Variants in PARD3B observed in about 807,000 individuals in gnomAD.
PARD3B encodes partitioning defective 3 homolog B.
A neutral mutation model predicts 130.2 loss-of-function variants in PARD3B; 103 were observed. The observed-to-expected ratio is 0.79, with a 90% CI of 0.67 to 0.93. The LOEUF is 0.93. Among genes scored for constraint, PARD3B ranks in the 40% least tolerant of loss-of-function variants. PARD3B has a pLI of 0.00. For missense variants in PARD3B, 1,609 were observed against 1,499.2 expected (o/e 1.07, Z -1.21); for synonymous variants, 583 against 553.2 (o/e 1.05, Z -0.76).
chr2:205,505,977 GA>G (rs2050347279), intron 21 of PARD3B, among the ~76,000 whole-genome samples: 1 of 151,794 alleles, frequency 6.6e-6, no homozygotes, highest in African/African-American at 2.4e-5. Context: ...TTTATATATG[GA>G]AAAAAAAGTG....
intron 20 of PARD3B, among the ~76,000 whole-genome samples, chr2:205,482,404 A>G (rs2049271920): frequency 6.6e-6 from 1 of 152,110 alleles, no homozygotes; most frequent in South Asian, 2.1e-4. Flanking sequence ...CATCTGCCCA[A>G]AAGAAAGGGT....
intron 19 of PARD3B, among the ~76,000 whole-genome samples, chr2:205,438,515 G>A (rs1465539993): frequency 1.3e-5 from 2 of 152,190 alleles, no homozygotes; most frequent in African/African-American, 4.8e-5. Context: ...GATGTCCTTT[G>A]CTCTATTTGC....
At chr2:205,048,610 A>C (rs570153107) in intron 4 of PARD3B, 16 of 152,312 alleles carry the variant, frequency 1.1e-4, no homozygotes, top group South Asian at 6.2e-4. Context: ...AGAAAAAATA[A>C]ACACATCATT....
At chr2:205,315,008 A>G (rs1489867192) in intron 18 of PARD3B, among the ~76,000 whole-genome samples, 2 of 152,128 alleles carry the variant, frequency 1.3e-5, no homozygotes, top group Non-Finnish European at 2.9e-5. Context: ...CACCACTCTA[A>G]TTCAATTTGT....
intron 4 of PARD3B, chr2:205,103,662 C>G: frequency 2.1e-6 from 2 of 950,116 alleles, no homozygotes; most frequent in South Asian, 4.9e-5. Flanking sequence ...AGACAGGTAT[C>G]CACAGGATTC....
chr2:204,847,786 T>C (rs923941107), intron 2 of PARD3B, among the ~76,000 whole-genome samples: 2 of 152,082 alleles, frequency 1.3e-5, no homozygotes, highest in African/African-American at 4.8e-5. Flanking sequence ...TGCTAAAGAG[T>C]CATTGTCAAG....
chr2:205,314,595 G>A (rs891829976), intron 18 of PARD3B, among the ~76,000 whole-genome samples: 1 of 152,148 alleles, frequency 6.6e-6, no homozygotes, highest in African/African-American at 2.4e-5. Context: ...AGGTTTCCCA[G>A]AACAATTAAA....
intron 20 of PARD3B, among the ~76,000 whole-genome samples, chr2:205,487,368 C>G (rs1030394655): frequency 6.6e-6 from 1 of 152,076 alleles, no homozygotes; most frequent in Non-Finnish European, 1.5e-5. Context: ...AAGTAAGAAA[C>G]TGCTGTATTA....
At chr2:205,418,116 A>G (rs949462061) in intron 19 of PARD3B, among the ~76,000 whole-genome samples, 2 of 152,106 alleles carry the variant, frequency 1.3e-5, no homozygotes, top group Non-Finnish European at 2.9e-5. Flanking sequence ...AAAAATGTGT[A>G]TTTTGATGAA....
intron 2 of PARD3B, among the ~76,000 whole-genome samples, chr2:204,871,304 A>G (rs1040615906): frequency 6.6e-6 from 1 of 152,130 alleles, no homozygotes; most frequent in Non-Finnish European, 1.5e-5. Flanking sequence ...GATTTATTAT[A>G]GACTATAAAC....
chr2:205,555,088 T>C (rs188683951), intron 22 of PARD3B, among the ~76,000 whole-genome samples: 2 of 152,230 alleles, frequency 1.3e-5, no homozygotes, highest in South Asian at 2.1e-4. Flanking sequence ...TATATGGAAA[T>C]TGTGGTTAAG....
intron 1 of PARD3B, among the ~76,000 whole-genome samples, chr2:204,622,175 C>T (rs1574566194): frequency 6.6e-6 from 1 of 152,162 alleles, no homozygotes; most frequent in African/African-American, 2.4e-5. Flanking sequence ...TTGAGCATGC[C>T]TCTCATTGTG....
rs192723551 is a variant in PARD3B at position 204,942,624 on chromosome 2, A to T, written c.223-22528A>T. Reference sequence around the variant, plus strand: ...TTTTTTAAAGGTCATACAGGTATTTAAAAAAAAAAAAGACAAGTAGTTATA... The same window carrying T: ...TTTTTTAAAGGTCATACAGGTATTTTAAAAAAAAAAAGACAAGTAGTTATA... On this transcript the variant is annotated intron_variant, in intron 2 of 22. Transcript: ENST00000406610. Among the ~76,000 whole-genome samples the T allele has an allele frequency of 9.1e-3, 1,314 of 144,704 alleles. 22 individuals carry two copies. Among genetic ancestry groups the T allele is most frequent in the African/African-American group, 0.03 (1,212 of 39,774 alleles). 94.9% of individuals were successfully genotyped at this position (144,704 alleles called of 152,430 possible).
intron 21 of PARD3B, among the ~76,000 whole-genome samples, chr2:205,509,086 C>G (rs1418486069): frequency 6.6e-6 from 1 of 151,230 alleles, no homozygotes; most frequent in Non-Finnish European, 1.5e-5. Flanking sequence ...GAGTGAATTT[C>G]TAGCCTTTAA....
chr2:205,214,175 T>G (rs2037793203), intron 15 of PARD3B, among the ~76,000 whole-genome samples: 1 of 152,100 alleles, frequency 6.6e-6, no homozygotes, highest in Non-Finnish European at 1.5e-5. Flanking sequence ...CAGAACAGAG[T>G]AGAAGATAAT....
intron 2 of PARD3B, among the ~76,000 whole-genome samples, chr2:204,755,164 A>G (rs1022823781): frequency 7.2e-5 from 11 of 152,120 alleles, no homozygotes; most frequent in African/African-American, 9.7e-5. Context: ...TTAAATTGAC[A>G]TAAGTTGGTA....
At chr2:205,493,683 A>G (rs1575158129) in intron 20 of PARD3B, among the ~76,000 whole-genome samples, 1 of 151,864 alleles carries the variant, frequency 6.6e-6, no homozygotes, top group South Asian at 2.1e-4. Context: ...ATTCCTGTTA[A>G]AGTTACAGGC....
chr2:204,615,034 C>T (rs764711892), intron 1 of PARD3B, among the ~76,000 whole-genome samples: 2 of 152,120 alleles, frequency 1.3e-5, no homozygotes, highest in Non-Finnish European at 2.9e-5. Context: ...TGGTGTTTTA[C>T]ATTTTTGCAG....
intron 18 of PARD3B, among the ~76,000 whole-genome samples, chr2:205,390,226 G>A (rs2045805687): frequency 6.7e-6 from 1 of 149,682 alleles, no homozygotes; most frequent in Non-Finnish European, 1.5e-5. Context: ...TTACCCCCAG[G>A]GGAAAAAACA....
Sources: gnomAD v4.1 joint callset for allele counts (sites outside exome capture counted in the v4.1 genomes callset) on GRCh38, gnomAD v4.1.1 for gene constraint, MANE v1.5 for transcripts, NCBI Gene and HGNC (gene_info 2026-07-23, HGNC 2026-07-21) for gene names.